The following LRMDA variants were observed in gnomAD, a reference collection of about 807,000 sequenced individuals.
The protein encoded by LRMDA is leucine rich melanocyte differentiation associated, also known as leucine-rich melanocyte differentiation-associated protein.
LRMDA carries 18 observed loss-of-function variants against 29.8 expected under a neutral mutation model. The ratio of observed to expected loss-of-function variants is 0.60; its 90% CI spans 0.42 to 0.90. The LOEUF (loss-of-function observed/expected upper bound fraction) is 0.90. Among genes scored for constraint, LRMDA ranks in the 40% least tolerant of loss-of-function variants. LRMDA has a pLI of 0.00. For synonymous variants in LRMDA, 125 were observed against 109.4 expected, an observed-to-expected ratio of 1.14 and a Z score of -0.89; for missense variants, 273 against 273.9, an observed-to-expected ratio of 1.00 and a Z score of 0.02.
At chr10:76,009,874 C>T (rs1422044226) in intron 2 of LRMDA, among the ~76,000 whole-genome samples, 2 of 150,978 alleles carry the variant, frequency 1.3e-5, no homozygotes, top group Non-Finnish European at 2.9e-5. Flanking sequence ...ATTTCATCTT[C>T]CCCCTGTCAG....
At chr10:75,818,830 G>T (rs940622597) in intron 2 of LRMDA, among the ~76,000 whole-genome samples, 12 of 152,176 alleles carry the variant, frequency 7.9e-5, no homozygotes, top group Non-Finnish European at 1.2e-4. Flanking sequence ...AACTGTTATT[G>T]CAGGGCACGT....
intron 2 of LRMDA, among the ~76,000 whole-genome samples, chr10:75,819,067 T>G (rs1427689530): frequency 6.6e-6 from 1 of 152,234 alleles, no homozygotes; most frequent in East Asian, 1.9e-4. Context: ...TTAAAAAGAA[T>G]CTTGTGTAAG....
At chr10:76,331,006 C>T (rs904276408) in intron 6 of LRMDA, among the ~76,000 whole-genome samples, 3 of 152,176 alleles carry the variant, frequency 2.0e-5, no homozygotes, top group Non-Finnish European at 4.4e-5. Context: ...TGCCGTGGCT[C>T]ACGCCTGTAA....
chr10:76,431,791 T>G (rs563019003), intron 6 of LRMDA, among the ~76,000 whole-genome samples: 141 of 152,276 alleles, frequency 9.3e-4, no homozygotes, highest in Non-Finnish European at 1.6e-3. Flanking sequence ...AGGAACCTGG[T>G]GGGAGGTAAT....
At chr10:75,973,315 G>A (rs1223386929) in intron 2 of LRMDA, among the ~76,000 whole-genome samples, 1 of 152,176 alleles carries the variant, frequency 6.6e-6, no homozygotes, top group Non-Finnish European at 1.5e-5. Flanking sequence ...AAGGCCTTAA[G>A]CCATGTGCAG....
chr10:75,874,513 G>C (rs1845164688), intron 2 of LRMDA, among the ~76,000 whole-genome samples: 1 of 152,198 alleles, frequency 6.6e-6, no homozygotes, highest in African/African-American at 2.4e-5. Flanking sequence ...CTTTATAGCA[G>C]CTCTGTGATT....
chr10:76,039,775 T>C (rs1325486687), intron 3 of LRMDA, among the ~76,000 whole-genome samples: 1 of 152,194 alleles, frequency 6.6e-6, no homozygotes, highest in Admixed American at 6.5e-5. Flanking sequence ...ACCCATCCCA[T>C]AGGTTGTTTT....
intron 2 of LRMDA, among the ~76,000 whole-genome samples, chr10:75,682,213 C>CTT (rs1471336669): frequency 6.6e-6 from 1 of 152,196 alleles, no homozygotes; most frequent in African/African-American, 2.4e-5. Context: ...ACTGTGAACG[C>CTT]TTTGAGAGCG....
chr10:75,435,019 G>T (rs1402872669), intron 1 of LRMDA, among the ~76,000 whole-genome samples: 2 of 152,180 alleles, frequency 1.3e-5, no homozygotes, highest in Non-Finnish European at 2.9e-5. Flanking sequence ...CTCCGTAGGG[G>T]TCTTTAACTT....
At chr10:76,165,823 G>A (rs149022770) in intron 5 of LRMDA, among the ~76,000 whole-genome samples, 58 of 152,260 alleles carry the variant, frequency 3.8e-4, no homozygotes, top group African/African-American at 1.3e-3. Context: ...CCCACAACAC[G>A]TGTGGATAGT....
intron 5 of LRMDA, among the ~76,000 whole-genome samples, chr10:76,198,310 C>T (rs775645420): frequency 1.3e-4 from 20 of 152,236 alleles, no homozygotes; most frequent in Admixed American, 4.6e-4. Context: ...GACTGCATTT[C>T]TAAAAAGCTC....
intron 1 of LRMDA, 88 bp downstream of exon 1, chr10:75,431,842 AC>A: frequency 8.3e-7 from 1 of 1,201,758 alleles, no homozygotes. Flanking sequence ...GGGCCTAGAC[AC>A]CCCTGTCCCC....
At chr10:76,329,617 T>C (rs890486922) in intron 6 of LRMDA, among the ~76,000 whole-genome samples, 4 of 152,226 alleles carry the variant, frequency 2.6e-5, no homozygotes, top group Non-Finnish European at 4.4e-5. Flanking sequence ...TGTTAGGTAC[T>C]CATCTTCCTC....
chr10:75,631,343 A>G (rs140827758), intron 2 of LRMDA, among the ~76,000 whole-genome samples: 132 of 151,612 alleles, frequency 8.7e-4, no homozygotes, highest in African/African-American at 2.8e-3. Flanking sequence ...CAGTTTCTCT[A>G]TCTTTTGCAG....
intron 6 of LRMDA, among the ~76,000 whole-genome samples, chr10:76,381,583 A>G (rs1841593124): frequency 1.3e-5 from 2 of 152,104 alleles, no homozygotes; most frequent in Admixed American, 1.3e-4. Flanking sequence ...CCCTCTCCTC[A>G]CATGGAAGTA....
intron 2 of LRMDA, among the ~76,000 whole-genome samples, chr10:75,884,229 G>T (rs1845341407): frequency 6.7e-6 from 1 of 148,434 alleles, no homozygotes; most frequent in African/African-American, 2.5e-5. Flanking sequence ...GCTAGTGTTT[G>T]GAAGGGCAGG....
chr10:76,406,067 GAAC>G (rs1241700914), intron 6 of LRMDA, among the ~76,000 whole-genome samples: 3 of 152,186 alleles, frequency 2.0e-5, no homozygotes, highest in African/African-American at 7.2e-5. Context: ...CAAACAAGAG[GAAC>G]AACAGGAAGC....
intron 5 of LRMDA, among the ~76,000 whole-genome samples, chr10:76,278,354 A>T (rs1260403850): frequency 6.6e-6 from 1 of 152,204 alleles, no homozygotes; most frequent in African/African-American, 2.4e-5. Flanking sequence ...GAAATTCTTT[A>T]AAAATATAAT....
At chr10:76,554,256 G>T (rs1843528033) in intron 6 of LRMDA, among the ~76,000 whole-genome samples, 2 of 152,166 alleles carry the variant, frequency 1.3e-5, no homozygotes, top group South Asian at 4.1e-4. Context: ...GCATAATATG[G>T]CGCTGGTATC....
Sources: allele counts gnomAD v4.1 joint callset (sites outside exome capture counted in the v4.1 genomes callset), GRCh38; gene constraint gnomAD v4.1.1; transcripts MANE v1.5; gene names NCBI Gene and HGNC (gene_info 2026-07-23, HGNC 2026-07-21).